Variants in CCDC18 observed in about 807,000 individuals in gnomAD.
The protein encoded by CCDC18 is coiled-coil domain containing 18.
CCDC18 carries 157 observed loss-of-function variants against 196.0 expected under a neutral mutation model. The observed-to-expected ratio is 0.80, with a 90% CI of 0.70 to 0.91. The LOEUF is 0.91. Ranked by LOEUF, CCDC18 falls within the 40% of genes least tolerant of loss-of-function variation. The pLI, the probability that CCDC18 is intolerant of heterozygous loss-of-function variation, is 0.00. For synonymous variants in CCDC18, 482 were observed against 529.2 expected (o/e 0.91, Z 1.22); for missense variants, 1,465 against 1,611.6 (o/e 0.91, Z 1.56).
intron 26 of CCDC18, 65 bp from the exon 27 acceptor site, chr1:93,264,636 G>A: frequency 1.1e-6 from 1 of 935,776 alleles, no homozygotes; most frequent in Non-Finnish European, 1.7e-6. Context: ...GCATTAGACT[G>A]TTGTCGAATC....
intron 28 of CCDC18, among the ~76,000 whole-genome samples, chr1:93,274,401 CTAAA>C (rs755322104): frequency 6.6e-6 from 1 of 151,788 alleles, no homozygotes; most frequent in African/African-American, 2.4e-5. Context: ...GACTCCATCT[CTAAA>C]TAAATAAATA....
chr1:93,260,445 A>G (rs1221248278), intron 26 of CCDC18, among the ~76,000 whole-genome samples: 1 of 152,194 alleles, frequency 6.6e-6, no homozygotes, highest in Admixed American at 6.6e-5. Flanking sequence ...AATATTTGAT[A>G]CTAATATTTT....
At chr1:93,220,705 T>G (rs1657294292) in intron 14 of CCDC18, among the ~76,000 whole-genome samples, 3 of 152,170 alleles carry the variant, frequency 2.0e-5, no homozygotes, top group African/African-American at 7.2e-5. Context: ...CATGGTGGTT[T>G]GCTGCACAGA....
intron 23 of CCDC18, among the ~76,000 whole-genome samples, chr1:93,250,378 C>CAAAAA (rs71094242): frequency 7.8e-5 from 7 of 89,358 alleles, no homozygotes; most frequent in East Asian, 3.3e-4. Flanking sequence ...GAGACCCTGT[C>CAAAAA]AAAAAAAAAA....
intron 17 of CCDC18, among the ~76,000 whole-genome samples, chr1:93,227,899 A>G (rs548146298): frequency 6.7e-6 from 1 of 149,804 alleles, no homozygotes; most frequent in East Asian, 2.0e-4. Context: ...TCGAGGCTGC[A>G]GTGAGCTGTG....
chr1:93,244,670 A>G (rs1308071497), intron 21 of CCDC18, among the ~76,000 whole-genome samples: 1 of 152,182 alleles, frequency 6.6e-6, no homozygotes, highest in Non-Finnish European at 1.5e-5. Context: ...AATATACTTA[A>G]TGCTTCTGAA....
intron 28 of CCDC18, among the ~76,000 whole-genome samples, chr1:93,272,359 A>C (rs535819072): frequency 2.6e-5 from 4 of 152,362 alleles, no homozygotes; most frequent in African/African-American, 9.6e-5. Flanking sequence ...TATATACAGT[A>C]AACACAACTG....
rs373433241 is a variant in CCDC18, at chr1:93,236,383, A to G, written c.2596A>G (p.Thr866Ala). 6.9e-6 allele frequency: 11 copies of G among 1,590,738 alleles called. No individual in the cohort carries two copies. The African/African-American group carries it at 8.2e-5, about 12-fold the overall frequency. Reference protein sequence around the residue: ...KRQKVIELTGTARQVKIEMDQ... With the variant: ...KRQKVIELTGAARQVKIEMDQ... ...GCAAAAAGTGATTGAGCTTACTGGC[A>G]CTGCCAGGTAAAATGTGAATATGTT... Residue 866 changes from threonine to alanine, a missense_variant, in exon 19 of 29, where the codon ACT (threonine) becomes GCT (alanine). Physicochemically the swap from Thr to Ala is moderately conservative, Grantham distance 58. Transcript: ENST00000690025.
intron 23 of CCDC18, among the ~76,000 whole-genome samples, chr1:93,252,453 A>T (rs1175458047): frequency 6.6e-6 from 1 of 151,904 alleles, no homozygotes; most frequent in Non-Finnish European, 1.5e-5. Flanking sequence ...TTCAGCTCCA[A>T]AATTTTTGTT....
At position 93,212,081 on chromosome 1, in the gene CCDC18, CTTCTT is replaced by C. The variant is rs1432883785; in HGVS notation, c.1335-12_1335-8del. On this transcript the variant is annotated splice_polypyrimidine_tract_variant and intron_variant, in intron 10 of 28. Coordinates refer to ENST00000690025, the MANE Select transcript of CCDC18 (RefSeq NM_001378204.1). Reference sequence around the variant, plus strand: ...ATAGAATCTTTCTAATAATTTTTCCCTTCTTTTCTTTTGTGCCAGAATTAAGCTTG... The same window carrying C: ...ATAGAATCTTTCTAATAATTTTTCCCTTCTTTTGTGCCAGAATTAAGCTTG... 2.5e-6 allele frequency: 4 copies of C among 1,579,510 alleles called. No individual in the cohort carries two copies. The highest frequency in any genetic ancestry group is 1.2e-5 in the South Asian group (1 of 83,996).
rs1448618465 is a variant in CCDC18 at position 93,198,419 on chromosome 1, A to T, written c.699-3473A>T. The stretch of plus-strand genomic sequence containing the variant: ...CAAATCAAGGATAGGCAAAATTAAC[A>T]TATGTTGTTAAAAGTCCAAATGGTG... On this transcript the variant is annotated intron_variant, in intron 6 of 28. Coordinates refer to ENST00000690025, the MANE Select transcript of CCDC18 (RefSeq NM_001378204.1). Among the ~76,000 whole-genome samples, 3 of 152,202 alleles carry T rather than the reference A, an allele frequency of 2.0e-5. No individual in the cohort carries two copies. The East Asian group carries it at 5.8e-4, about 29-fold the overall frequency.
rs772766643 is a variant in CCDC18, at chr1:93,214,791, A to G, written c.1544A>G (p.Glu515Gly). ...CAACATACTATGAACAAGCAATATG[A>G]AAAAGAGAGGCAAAGACTTGTTACT... The part of the protein sequence containing the change: ...QNQHTMNKQY[E>G]KERQRLVTGI... The change falls in exon 12 of 29, where the codon GAA (glutamate) becomes GGA (glycine). Residue 515 changes from glutamate to glycine, a missense_variant. Glu to Gly is a moderately conservative substitution (Grantham distance 98, BLOSUM62 -2). Coordinates refer to ENST00000690025, the MANE Select transcript of CCDC18 (RefSeq NM_001378204.1). The G allele has an allele frequency of 2.4e-5, 38 of 1,612,872 alleles. No homozygotes were observed. Among genetic ancestry groups the G allele is most frequent in the Non-Finnish European group, 3.1e-5 (37 of 1,179,694 alleles).
intron 16 of CCDC18, among the ~76,000 whole-genome samples, chr1:93,224,744 A>G (rs1234919062): frequency 1.3e-5 from 2 of 152,250 alleles, no homozygotes; most frequent in African/African-American, 4.8e-5. Flanking sequence ...CTTATAATCA[A>G]TGGCTTTCAT....
rs1206819560 is a variant in CCDC18 at position 93,193,747 on chromosome 1, A to G, written c.698+3A>G. 6.5e-7 allele frequency: 1 copy of G among 1,543,598 alleles called. No homozygotes were observed. The highest frequency in any genetic ancestry group is 2.2e-5 in the Admixed American group (1 of 45,168). ...GAACAAACCAAACAAGGAAAAAGGT[A>G]TGTGTTTTTAAAGCAAATACATGTT... On this transcript the variant is annotated splice_donor_region_variant and intron_variant, in intron 6 of 28. Coordinates refer to ENST00000690025, the MANE Select transcript of CCDC18 (RefSeq NM_001378204.1).
chr1:93,252,319 G>A (rs890811957), intron 23 of CCDC18, among the ~76,000 whole-genome samples: 1 of 152,150 alleles, frequency 6.6e-6, no homozygotes, highest in Non-Finnish European at 1.5e-5. Flanking sequence ...TTACAGGTGT[G>A]AGCCACCATC....
intron 22 of CCDC18, among the ~76,000 whole-genome samples, 169 bp from the exon 23 acceptor site, chr1:93,246,669 A>G (rs1235609279): frequency 6.6e-6 from 1 of 152,146 alleles, no homozygotes; most frequent in African/African-American, 2.4e-5. Flanking sequence ...TATTTTTCCC[A>G]TTTAAAAAAT....
At chr1:93,240,149 G>A (rs756086883) in intron 21 of CCDC18, among the ~76,000 whole-genome samples, 1 of 152,168 alleles carries the variant, frequency 6.6e-6, no homozygotes, top group African/African-American at 2.4e-5. Context: ...GCATACAGCA[G>A]TGGCTAACAG....
intron 23 of CCDC18, among the ~76,000 whole-genome samples, chr1:93,254,254 T>C (rs1050401940): frequency 6.6e-6 from 1 of 152,182 alleles, no homozygotes; most frequent in African/African-American, 2.4e-5. Context: ...ATTCCTGTTG[T>C]TGTGGGGGAA....
chr1:93,212,300 G>A, intron 11 of CCDC18, 39 bp downstream of exon 11: 1 of 1,275,702 alleles, frequency 7.8e-7, no homozygotes, highest in East Asian at 2.8e-5. Context: ...TATATTCAGA[G>A]TTTTGGATGA....
Sources: gnomAD v4.1 joint callset for allele counts (sites outside exome capture counted in the v4.1 genomes callset) on GRCh38, gnomAD v4.1.1 for gene constraint, MANE v1.5 for transcripts, NCBI Gene and HGNC (gene_info 2026-07-23, HGNC 2026-07-21) for gene names.